Variants in ARRB1 observed in about 807,000 individuals in gnomAD.
ARRB1 encodes the protein arrestin beta 1, also known as beta-arrestin-1.
In ARRB1, 21 loss-of-function variants were observed where a neutral mutation model predicts 56.8. That is an observed-to-expected ratio of 0.37 (90% CI 0.26 to 0.53). ARRB1 has a LOEUF of 0.53. ARRB1 is among the 20% of genes least tolerant of loss of function. ARRB1 has a pLI of 0.88. For missense variants in ARRB1, 424 were observed against 553.7 expected (o/e 0.77, Z 2.35); for synonymous variants, 210 against 218.6 (o/e 0.96, Z 0.35).
At chr11:75,284,699 T>G (rs1178704956) in intron 3 of ARRB1, among the ~76,000 whole-genome samples, 3 of 150,976 alleles carry the variant, frequency 2.0e-5, no homozygotes, top group Non-Finnish European at 4.4e-5. Context: ...AGGCCAAGAG[T>G]TCAAGACCAG....
At chr11:75,267,508 G>T (rs1945951305) in intron 15 of ARRB1, 144 bp downstream of exon 15, 2 of 780,082 alleles carry the variant, frequency 2.6e-6, no homozygotes, top group Non-Finnish European at 4.2e-6. Context: ...GCGGGTTGCT[G>T]AAGAGGCGAG....
At position 75,283,316 on chromosome 11, in the gene ARRB1, C is replaced by T. The variant is rs1692765167; in HGVS notation, c.325G>A (p.Gly109Ser). ...AAGGTGAAAGGGTAAGCGTGCTCGC[C>T]CAGCTTCTTGATGAGGCGTTCCTGC... is the stretch of plus-strand genomic sequence containing the variant. Reference protein sequence around the residue: ...RLQERLIKKLGEHAYPFTFEI... With the variant: ...RLQERLIKKLSEHAYPFTFEI... The change falls in exon 5 of 16, where the codon GGC becomes AGC. Residue 109 changes from glycine to serine, a missense_variant. Around this residue, in one of 3 missense-constraint regions of ARRB1, gnomAD observed 301 missense variants for 387.9 expected, o/e 0.78. Coordinates refer to ENST00000420843, the MANE Select transcript of ARRB1 (RefSeq NM_004041.5). The T allele has an allele frequency of 1.2e-6, 2 of 1,612,814 alleles. No individual in the cohort carries two copies. The highest frequency in any genetic ancestry group is 1.7e-6 in the Non-Finnish European group (2 of 1,179,368).
intron 14 of ARRB1, 152 bp from the exon 15 acceptor site, chr11:75,267,855 G>T (rs542420309): frequency 2.9e-6 from 2 of 693,384 alleles, no homozygotes; most frequent in Non-Finnish European, 2.5e-6. Flanking sequence ...ACTCATTCCT[G>T]GTACTGAAAC....
At chr11:75,284,309 CTCCCAACCTGG>C in intron 3 of ARRB1, 30 bp from the exon 4 acceptor site, 1 of 1,587,274 alleles carries the variant, frequency 6.3e-7, no homozygotes, top group Non-Finnish European at 8.6e-7. Context: ...TAAGCGGCCT[CTCCCAACCTGG>C]TCTCCCAAAC....
chr11:75,260,496 G>A lies in ARRB1; in HGVS notation c.*5667C>T, dbSNP rs1945760269. 6.6e-6 allele frequency: 1 copy of A among 152,210 alleles called. No individual in the cohort carries two copies. The highest frequency in any genetic ancestry group is 2.4e-5 in the African/African-American group (1 of 41,388). The allele number at this position is 152,210 out of a possible 1,614,324, so 9.4% of individuals were successfully genotyped here. ...TCTGCTCATCTGCCATGCAGGTCAG[G>A]ACCATACCCCGAGTTTGTGAGGCAC... is the stretch of plus-strand genomic sequence containing the variant. On this transcript the variant is annotated 3_prime_UTR_variant, in exon 16 of 16. Transcript: ENST00000420843.
At chr11:75,305,018 CT>C (rs35323331) in intron 1 of ARRB1, among the ~76,000 whole-genome samples, 1,049 of 86,728 alleles carry the variant, frequency 0.012, 1 homozygote, top group African/African-American at 0.041. Flanking sequence ...TTCTTTCTTT[CT>C]TTTTTTTTTT....
chr11:75,330,319 G>A (rs1947501484), intron 1 of ARRB1, among the ~76,000 whole-genome samples: 1 of 152,154 alleles, frequency 6.6e-6, no homozygotes, highest in African/African-American at 2.4e-5. Context: ...AAGGGCTAAG[G>A]AGGAGTCCAG....
Position 75,266,149 on chromosome 11 carries a change from C to A in ARRB1, c.*14G>T. The A allele has an allele frequency of 6.2e-7, 1 of 1,608,148 alleles. No homozygotes were observed. The highest frequency in any genetic ancestry group is 8.5e-7 in the Non-Finnish European group (1 of 1,174,562). The stretch of plus-strand genomic sequence containing the variant: ...GAGTGGAGCCGGAGCCACGTGGAGG[C>A]AGGGCCGGCCCGTCTATCTGTTGTT... On this transcript the variant is annotated 3_prime_UTR_variant, in exon 16 of 16. Transcript: ENST00000420843.
rs143290928 is a variant in ARRB1 at position 75,335,962 on chromosome 11, G to A, written c.20+15626C>T. ...CTATTGCATACTAAAGATGCCAAGG[G>A]GCTTTCCACACGTGACAACTCACAG... On this transcript the variant is annotated intron_variant, in intron 1 of 15. Coordinates refer to ENST00000420843, the MANE Select transcript of ARRB1 (RefSeq NM_004041.5). 9.8e-4 allele frequency among the ~76,000 whole-genome samples: 149 copies of A among 152,276 alleles called. 2 individuals are homozygous for A. The East Asian group carries it at 0.025, about 26-fold the overall frequency.
chr11:75,335,109 T>G (rs1591986559), intron 1 of ARRB1: 2 of 190,276 alleles, frequency 1.1e-5, no homozygotes, highest in Admixed American at 6.3e-5. Flanking sequence ...GCCTCGGGGC[T>G]GGAGGAAGGG....
intron 9 of ARRB1, 113 bp from the exon 10 acceptor site, chr11:75,277,024 C>A: frequency 9.7e-7 from 1 of 1,030,690 alleles, no homozygotes; most frequent in East Asian, 2.4e-5. Context: ...CAGAGGCCAC[C>A]AGTGGGGACT....
intron 1 of ARRB1, among the ~76,000 whole-genome samples, chr11:75,329,168 A>G (rs1185834752): frequency 6.8e-6 from 1 of 147,444 alleles, no homozygotes; most frequent in Admixed American, 7.0e-5. Flanking sequence ...TACGGCTCAC[A>G]GGGCTCACTG....
intron 1 of ARRB1, among the ~76,000 whole-genome samples, chr11:75,323,697 G>A (rs1444470430): frequency 6.6e-6 from 1 of 152,182 alleles, no homozygotes; most frequent in Non-Finnish European, 1.5e-5. Context: ...GGAAGCAGCT[G>A]AGCAGGAAGG....
Position 75,265,933 on chromosome 11 carries a change from T to G in ARRB1, c.*230A>C. 1.9e-5 allele frequency: 10 copies of G among 519,004 alleles called. No homozygotes were observed. The highest frequency in any genetic ancestry group is 3.9e-5 in the African/African-American group (2 of 51,682). The allele number at this position is 519,004 out of a possible 1,614,324, so 32.1% of individuals were successfully genotyped here. ...GGAGACAGCATGAAAAGGAGGGGAG[T>G]GGAGATGGCAGAGATGGGGTGGAGC... is the stretch of plus-strand genomic sequence containing the variant. On this transcript the variant is annotated 3_prime_UTR_variant, in exon 16 of 16. Coordinates refer to ENST00000420843, the MANE Select transcript of ARRB1 (RefSeq NM_004041.5).
chr11:75,340,988 C>T (rs1292615835), intron 1 of ARRB1, among the ~76,000 whole-genome samples: 2 of 152,046 alleles, frequency 1.3e-5, no homozygotes, highest in Non-Finnish European at 2.9e-5. Context: ...CTCCGCTGGC[C>T]GGCACAGCCC....
At chr11:75,326,292 C>T (rs909596554) in intron 1 of ARRB1, among the ~76,000 whole-genome samples, 2 of 152,168 alleles carry the variant, frequency 1.3e-5, no homozygotes, top group African/African-American at 4.8e-5. Context: ...CAGGGCCTGG[C>T]ACAGCGTGGG....
chr11:75,277,541 G>T, intron 8 of ARRB1, 93 bp from the exon 9 acceptor site: 2 of 1,196,788 alleles, frequency 1.7e-6, no homozygotes, highest in Non-Finnish European at 2.5e-6. Flanking sequence ...ATCTTCTGGG[G>T]TTCCCCAGAC....
intron 9 of ARRB1, 140 bp from the exon 10 acceptor site, chr11:75,277,051 C>G: frequency 1.3e-6 from 1 of 775,646 alleles, no homozygotes; most frequent in Non-Finnish European, 2.2e-6. Flanking sequence ...TAAGACCACC[C>G]CTGTCTTACA....
At chr11:75,276,567 C>T (rs763859714) in intron 10 of ARRB1, among the ~76,000 whole-genome samples, 1 of 152,208 alleles carries the variant, frequency 6.6e-6, no homozygotes, top group African/African-American at 2.4e-5. Context: ...CTTCTCACAA[C>T]CCCAATCCCC....
Sources: allele counts gnomAD v4.1 joint callset (sites outside exome capture counted in the v4.1 genomes callset), GRCh38; gene constraint gnomAD v4.1.1; regional missense constraint gnomAD v4.1.1; transcripts MANE v1.5; gene names NCBI Gene and HGNC (gene_info 2026-07-23, HGNC 2026-07-21).